JAK1: variants seen among roughly 807,000 people sequenced by gnomAD.
The protein encoded by JAK1 is tyrosine-protein kinase JAK1.
In JAK1, 16 loss-of-function variants were observed where a neutral mutation model predicts 136.6. The observed-to-expected ratio is 0.12, with a 90% CI of 0.08 to 0.18. The LOEUF is 0.18. Among genes scored for constraint, JAK1 ranks in the 10% least tolerant of loss-of-function variants. JAK1 has a pLI of 1.00. For synonymous variants in JAK1, 492 were observed against 519.5 expected (o/e 0.95, Z 0.72); for missense variants, 859 against 1,450.1 (o/e 0.59, Z 6.62).
At chr1:65,021,527 G>A (rs573038397) in intron 2 of JAK1, among the ~76,000 whole-genome samples, 1 of 152,244 alleles carries the variant, frequency 6.6e-6, no homozygotes, top group African/African-American at 2.4e-5. Context: ...GTTGCGTGTA[G>A]GATATGAGGC....
chr1:65,026,077 G>A (rs542025793), intron 2 of JAK1, among the ~76,000 whole-genome samples: 1 of 152,170 alleles, frequency 6.6e-6, no homozygotes, highest in Admixed American at 6.6e-5. Flanking sequence ...AAAGTGCCTG[G>A]CACATAGAGG....
chr1:65,009,767 G>A (rs1184524961), intron 2 of JAK1, among the ~76,000 whole-genome samples: 1 of 152,230 alleles, frequency 6.6e-6, no homozygotes, highest in African/African-American at 2.4e-5. Flanking sequence ...CTGAAGTACA[G>A]AGAGGAAGAG....
intron 2 of JAK1, among the ~76,000 whole-genome samples, chr1:65,028,619 G>C (rs1297786825): frequency 1.3e-5 from 2 of 152,158 alleles, no homozygotes; most frequent in Non-Finnish European, 2.9e-5. Flanking sequence ...CCCTTGAAGA[G>C]AGCAATTAAG....
At chr1:64,920,714 A>T (rs1480627209) in intron 1 of JAK1, among the ~76,000 whole-genome samples, 2 of 152,212 alleles carry the variant, frequency 1.3e-5, no homozygotes, top group African/African-American at 4.8e-5. Flanking sequence ...GGCCTTGGAT[A>T]ATTCAAGGAA....
rs2101214833 is a variant in JAK1, at chr1:64,879,008, G to A, written c.329+17C>T. 1 of 1,613,670 alleles carries A rather than the reference G, an allele frequency of 6.2e-7. No individual in the cohort carries two copies. The highest frequency in any genetic ancestry group is 1.1e-5 in the South Asian group (1 of 91,030). ...GCAGAGGGAGCCAGGCAGGTACCAGGTCAGTACTTCCCATACCTCATCCGG... is the reference window on the plus strand; with the variant it reads ...GCAGAGGGAGCCAGGCAGGTACCAGATCAGTACTTCCCATACCTCATCCGG... On this transcript the variant is annotated intron_variant, in intron 4 of 24. Transcript: ENST00000342505.
At chr1:64,985,537 G>C in intron 2 of JAK1, 2 of 1,389,410 alleles carry the variant, frequency 1.4e-6, no homozygotes, top group African/African-American at 1.4e-5. Flanking sequence ...AAGCCTAATA[G>C]CACAGGCCAT....
At chr1:64,845,424 A>G in intron 15 of JAK1, 89 bp downstream of exon 15, 2 of 1,474,320 alleles carry the variant, frequency 1.4e-6, no homozygotes. Flanking sequence ...AGGCCCCTCT[A>G]GCTGCTTGGC....
chr1:64,842,824 G>A (rs923179667), intron 17 of JAK1, among the ~76,000 whole-genome samples: 1 of 152,110 alleles, frequency 6.6e-6, no homozygotes, highest in African/African-American at 2.4e-5. Flanking sequence ...TAGATCTGAT[G>A]GTTTCCCTGC....
intron 1 of JAK1, among the ~76,000 whole-genome samples, chr1:64,919,294 G>C (rs975698223): frequency 1.3e-5 from 2 of 152,142 alleles, no homozygotes; most frequent in Admixed American, 1.3e-4. Context: ...GCGACAGTTT[G>C]CTGAGAGTGA....
chr1:64,911,530 A>G (rs1384055129), intron 1 of JAK1, among the ~76,000 whole-genome samples: 1 of 152,232 alleles, frequency 6.6e-6, no homozygotes, highest in Non-Finnish European at 1.5e-5. Context: ...ATACATGCCA[A>G]AAAGATGACT....
chr1:64,838,410 C>CAGGA (rs1654627242), intron 21 of JAK1, 55 bp downstream of exon 21: 1 of 1,583,292 alleles, frequency 6.3e-7, no homozygotes, highest in African/African-American at 1.4e-5. Context: ...AAACCAATTA[C>CAGGA]CCAGGACAGA....
intron 1 of JAK1, among the ~76,000 whole-genome samples, chr1:64,899,825 C>A (rs1645077494): frequency 6.6e-6 from 1 of 152,026 alleles, no homozygotes; most frequent in Admixed American, 6.6e-5. Context: ...TGTTTTGACA[C>A]AAGAATCTTA....
At chr1:65,003,507 T>G (rs367982905) in intron 2 of JAK1, 8 of 152,298 alleles carry the variant, frequency 5.3e-5, no homozygotes, top group African/African-American at 1.9e-4. Context: ...TTATTAACAA[T>G]GATTGTGCTT....
At chr1:64,986,077 C>A in intron 2 of JAK1, 2 of 1,081,262 alleles carry the variant, frequency 1.8e-6, no homozygotes, top group Admixed American at 1.9e-5. Flanking sequence ...GATGGGGTGA[C>A]CTTCTATGTC....
Position 65,062,974 on chromosome 1 carries a change from T to C in JAK1, c.-181+4630A>G, listed in dbSNP as rs145099920. Among the ~76,000 whole-genome samples, 330 of 152,334 alleles carry C rather than the reference T, an allele frequency of 2.2e-3. 3 individuals carry two copies. Among genetic ancestry groups the C allele is most frequent in the African/African-American group, 7.8e-3 (323 of 41,574 alleles). On this transcript the variant is annotated intron_variant, in intron 1 of 25. Transcript: ENST00000671954. ...GTTTGTCATCTATAAAATAAAGGGA[T>C]AGCACCGAATAGCTCCTAAGTTCCT...
intron 1 of JAK1, among the ~76,000 whole-genome samples, chr1:64,907,943 C>T (rs1437120247): frequency 6.6e-6 from 1 of 152,214 alleles, no homozygotes; most frequent in Non-Finnish European, 1.5e-5. Context: ...GTTATTCTCA[C>T]TAGCCTAAAC....
chr1:64,923,587 G>A (rs1645533196), intron 1 of JAK1, among the ~76,000 whole-genome samples: 1 of 152,170 alleles, frequency 6.6e-6, no homozygotes, highest in South Asian at 2.1e-4. Context: ...CTCAGGCCCA[G>A]GGTGCTGTGA....
At chr1:64,967,321 C>A (rs1282365422), upstream of JAK1, among the ~76,000 whole-genome samples, 1 of 152,120 alleles carries the variant, frequency 6.6e-6, no homozygotes, top group Non-Finnish European at 1.5e-5. Flanking sequence ...GTCTATGTTC[C>A]GGCAACACGG....
At position 65,041,168 on chromosome 1, in the gene JAK1, C is replaced by T. The variant is rs961130161; in HGVS notation, c.-78+3312G>A. Among the ~76,000 whole-genome samples the T allele has an allele frequency of 3.9e-5, 6 of 152,138 alleles. No homozygotes were observed. In the East Asian group the frequency reaches 5.8e-4, roughly 15 times the overall value. On this transcript the variant is annotated intron_variant, in intron 2 of 25. Transcript: ENST00000671954. ...ACCTCCTGAAGGCCTGGCTGTCGCA[C>T]GGGTCGGAGCAGCCAGCAAGAGCTC...
Sources: gnomAD v4.1 joint callset for allele counts (sites outside exome capture counted in the v4.1 genomes callset) on GRCh38, gnomAD v4.1.1 for gene constraint, MANE v1.5 for transcripts, NCBI Gene and HGNC (gene_info 2026-07-23, HGNC 2026-07-21) for gene names.